The following NCK2 variants were observed in gnomAD, a reference collection of about 807,000 sequenced individuals.
NCK2 encodes cytoplasmic protein NCK2.
In NCK2, 16 loss-of-function variants were observed where a neutral mutation model predicts 33.9. The ratio of observed to expected loss-of-function variants is 0.47; its 90% CI spans 0.32 to 0.72. The LOEUF is 0.72. Ranked by LOEUF, NCK2 falls within the 30% of genes least tolerant of loss-of-function variation. The pLI is 0.03. For missense variants in NCK2, 418 were observed against 537.3 expected (o/e 0.78, Z 2.19); for synonymous variants, 273 against 239.9 (o/e 1.14, Z -1.27).
chr2:105,823,227 AT>A (rs1285362898), intron 2 of NCK2, among the ~76,000 whole-genome samples: 1 of 151,492 alleles, frequency 6.6e-6, no homozygotes, highest in Non-Finnish European at 1.5e-5. Flanking sequence ...TGAACAGGTA[AT>A]TACAAACAAG....
At chr2:105,835,417 A>G (rs1573179446) in intron 2 of NCK2, among the ~76,000 whole-genome samples, 44 of 78,836 alleles carry the variant, frequency 5.6e-4, no homozygotes, top group South Asian at 1.9e-3. Context: ...GTGTATATAT[A>G]TATATATTTT....
chr2:105,819,414 T>C (rs1675640086), intron 2 of NCK2, among the ~76,000 whole-genome samples: 1 of 152,144 alleles, frequency 6.6e-6, no homozygotes, highest in South Asian at 2.1e-4. Context: ...CTTGTCAGAT[T>C]TCAAGGGAAT....
intron 1 of NCK2, among the ~76,000 whole-genome samples, chr2:105,774,242 C>T (rs1298891061): frequency 6.6e-6 from 1 of 152,006 alleles, no homozygotes; most frequent in African/African-American, 2.4e-5. Flanking sequence ...CTCCTGACCT[C>T]AAGTTATCCC....
upstream of NCK2, among the ~76,000 whole-genome samples, chr2:105,744,706 C>T (rs1036605489): frequency 2.6e-5 from 4 of 151,366 alleles, no homozygotes; most frequent in African/African-American, 9.7e-5. Flanking sequence ...GGGCGCGGAG[C>T]CTGGCGACGA....
intron 3 of NCK2, among the ~76,000 whole-genome samples, chr2:105,862,096 A>G (rs1306245271): frequency 6.6e-6 from 1 of 152,146 alleles, no homozygotes; most frequent in Non-Finnish European, 1.5e-5. Context: ...AAATACATGT[A>G]ATGAGAGCAG....
intron 1 of NCK2, among the ~76,000 whole-genome samples, chr2:105,753,686 C>G (rs1689522864): frequency 6.6e-6 from 1 of 152,194 alleles, no homozygotes; most frequent in South Asian, 2.1e-4. Flanking sequence ...GTTGGAATAG[C>G]TTGCACAAGG....
intron 1 of NCK2, among the ~76,000 whole-genome samples, chr2:105,761,982 A>C (rs1282909882): frequency 1.3e-5 from 2 of 152,280 alleles, no homozygotes; most frequent in East Asian, 3.9e-4. Flanking sequence ...CGGATTTTTG[A>C]TACATTTTAA....
intron 1 of NCK2, among the ~76,000 whole-genome samples, chr2:105,780,234 C>A (rs938837692): frequency 6.6e-6 from 1 of 151,816 alleles, no homozygotes; most frequent in Non-Finnish European, 1.5e-5. Flanking sequence ...AAAACCATTG[C>A]TTCTCAGCAT....
At chr2:105,810,023 T>C (rs1399145124) in intron 1 of NCK2, among the ~76,000 whole-genome samples, 3 of 152,050 alleles carry the variant, frequency 2.0e-5, no homozygotes, top group Non-Finnish European at 4.4e-5. Context: ...TGAGGTCTCA[T>C]TCAGTGGCAG....
In NCK2 at chr2:105,833,493, T is replaced by C. The variant is rs1573176061; in HGVS notation, c.-17+16880T>C. Among the ~76,000 whole-genome samples the C allele has an allele frequency of 2.0e-5, 3 of 152,346 alleles. 1 individual carries two copies. In the South Asian group the frequency reaches 6.2e-4, roughly 32 times the overall value. On this transcript the variant is annotated intron_variant, in intron 2 of 4. Transcript: ENST00000233154. ...TAAGTTATTGGTGTATCATTGTTCA[T>C]ATTAGTCTCTAATGATCTTTTATAT... is the stretch of plus-strand genomic sequence containing the variant.
intron 3 of NCK2, among the ~76,000 whole-genome samples, chr2:105,858,616 G>A (rs958185422): frequency 2.0e-5 from 3 of 152,174 alleles, no homozygotes; most frequent in Admixed American, 2.0e-4. Context: ...CAAAACCACA[G>A]TGTTGTGTAT....
chr2:105,812,969 C>T (rs879446040), intron 1 of NCK2, among the ~76,000 whole-genome samples: 1 of 152,168 alleles, frequency 6.6e-6, no homozygotes, highest in Non-Finnish European at 1.5e-5. Context: ...CCCAGGGTGG[C>T]AGATACCCCA....
intron 1 of NCK2, among the ~76,000 whole-genome samples, chr2:105,801,253 A>G (rs990009159): frequency 6.6e-6 from 1 of 151,902 alleles, no homozygotes; most frequent in African/African-American, 2.4e-5. Context: ...CCGGGCTGTC[A>G]TCTCCTTGGG....
chr2:105,820,018 G>C (rs1675663678), intron 2 of NCK2, among the ~76,000 whole-genome samples: 1 of 152,222 alleles, frequency 6.6e-6, no homozygotes, highest in Non-Finnish European at 1.5e-5. Flanking sequence ...TGTAGTGGAG[G>C]TTCTTACAGC....
At chr2:105,884,477 T>C (rs1230660729) in intron 4 of NCK2, among the ~76,000 whole-genome samples, 3 of 152,242 alleles carry the variant, frequency 2.0e-5, no homozygotes. Flanking sequence ...TCTTTGGGCC[T>C]GGGCCTTTAA....
At chr2:105,751,497 C>T (rs1689454748) in intron 1 of NCK2, among the ~76,000 whole-genome samples, 1 of 152,230 alleles carries the variant, frequency 6.6e-6, no homozygotes, top group Non-Finnish European at 1.5e-5. Flanking sequence ...GCTTGCACGA[C>T]TGGGCTGCCT....
At chr2:105,744,678 G>A (rs1234296432), upstream of NCK2, among the ~76,000 whole-genome samples, 2 of 151,642 alleles carry the variant, frequency 1.3e-5, no homozygotes, top group Non-Finnish European at 2.9e-5. Flanking sequence ...CGCTATCCCG[G>A]CGCCCGTACC....
chr2:105,818,185 A>G (rs1392475884), intron 2 of NCK2, among the ~76,000 whole-genome samples: 2 of 149,480 alleles, frequency 1.3e-5, no homozygotes, highest in Non-Finnish European at 3.0e-5. Flanking sequence ...AGGACAAAAA[A>G]CCAAACACTG....
At chr2:105,890,861 A>G (rs1425670914) in intron 4 of NCK2, among the ~76,000 whole-genome samples, 2 of 152,244 alleles carry the variant, frequency 1.3e-5, no homozygotes, top group South Asian at 2.1e-4. Flanking sequence ...GTAATAGACA[A>G]TGGCCTAGTC....
Sources: gnomAD v4.1 joint callset for allele counts (sites outside exome capture counted in the v4.1 genomes callset) on GRCh38, gnomAD v4.1.1 for gene constraint, MANE v1.5 for transcripts, NCBI Gene and HGNC (gene_info 2026-07-23, HGNC 2026-07-21) for gene names.